The following INPP5F variants were observed in gnomAD, a reference collection of about 807,000 sequenced individuals.
The protein encoded by INPP5F is phosphatidylinositide 4-phosphatase SAC2.
A neutral mutation model predicts 137.2 loss-of-function variants in INPP5F; 97 were observed. The observed-to-expected ratio is 0.71, with a 90% confidence interval of 0.60 to 0.84. The LOEUF is 0.84. Among genes scored for constraint, INPP5F ranks in the 40% least tolerant of loss-of-function variants. The pLI is 0.00. For missense variants in INPP5F, 1,271 were observed against 1,371.9 expected, an observed-to-expected ratio of 0.93 and a Z score of 1.16; for synonymous variants, 504 against 476.9, an observed-to-expected ratio of 1.06 and a Z score of -0.74.
chr10:119,821,864 C>CTTTTTTTT (rs11347174), intron 16 of INPP5F, among the ~76,000 whole-genome samples: 1 of 88,152 alleles, frequency 1.1e-5, no homozygotes, highest in Non-Finnish European at 2.2e-5. Flanking sequence ...CTTGTAGTTG[C>CTTTTTTTT]TTTTTTTTTT....
At chr10:119,729,494 C>T (rs1184062027) in intron 1 of INPP5F, among the ~76,000 whole-genome samples, 1 of 151,822 alleles carries the variant, frequency 6.6e-6, no homozygotes, top group Non-Finnish European at 1.5e-5. Flanking sequence ...TGGAAAATCT[C>T]TGTCCATTTG....
intron 2 of INPP5F, among the ~76,000 whole-genome samples, chr10:119,753,727 T>C (rs1848753770): frequency 6.6e-6 from 1 of 152,246 alleles, no homozygotes; most frequent in Middle Eastern, 3.2e-3. Flanking sequence ...TTCATTTCCA[T>C]AGGGTACTGT....
At chr10:119,745,699 C>CTTTTTTT (rs35485618) in intron 1 of INPP5F, among the ~76,000 whole-genome samples, 4 of 90,544 alleles carry the variant, frequency 4.4e-5, no homozygotes, top group East Asian at 3.2e-4. Flanking sequence ...AGGCTCATTC[C>CTTTTTTT]TTTTTTTTTT....
intron 15 of INPP5F, among the ~76,000 whole-genome samples, chr10:119,820,599 C>T (rs1851517962): frequency 6.6e-6 from 1 of 152,194 alleles, no homozygotes; most frequent in African/African-American, 2.4e-5. Flanking sequence ...GGACTCCTTC[C>T]TCCTTTGGCT....
intron 1 of INPP5F, among the ~76,000 whole-genome samples, chr10:119,727,618 C>G (rs1369102726): frequency 3.3e-5 from 5 of 152,228 alleles, no homozygotes; most frequent in Admixed American, 3.3e-4. Flanking sequence ...GTTGCTTTGC[C>G]AGAGCAGTGA....
chr10:119,750,411 A>G (rs1452390560), intron 1 of INPP5F, among the ~76,000 whole-genome samples: 4 of 152,194 alleles, frequency 2.6e-5, no homozygotes, highest in Non-Finnish European at 5.9e-5. Flanking sequence ...GCATGTAATG[A>G]ATTTGCTTCT....
chr10:119,785,945 A>G (rs1248597954), intron 3 of INPP5F, among the ~76,000 whole-genome samples: 1 of 152,118 alleles, frequency 6.6e-6, no homozygotes, highest in Non-Finnish European at 1.5e-5. Flanking sequence ...GCTTCTTTAG[A>G]AAAAAAATAC....
intron 12 of INPP5F, among the ~76,000 whole-genome samples, chr10:119,807,513 T>C (rs1850842234): frequency 6.6e-6 from 1 of 152,288 alleles, no homozygotes; most frequent in African/African-American, 2.4e-5. Context: ...GTGTTAGGAC[T>C]AGTGAATGTG....
intron 2 of INPP5F, among the ~76,000 whole-genome samples, chr10:119,767,666 A>G (rs1243946043): frequency 2.0e-5 from 3 of 152,242 alleles, no homozygotes; most frequent in South Asian, 2.1e-4. Context: ...CTACATGCTT[A>G]CTTTCAAGAC....
At chr10:119,785,284 C>CGGTTTTTT (rs1849844136) in intron 3 of INPP5F, among the ~76,000 whole-genome samples, 1 of 81,600 alleles carries the variant, frequency 1.2e-5, no homozygotes. Flanking sequence ...AACTGCCAGA[C>CGGTTTTTT]TGTTTTTTTT....
intron 2 of INPP5F, among the ~76,000 whole-genome samples, chr10:119,771,882 ATTTTTTTTTTTTTTTTTTTT>A (rs544724525): frequency 4.1e-5 from 1 of 24,166 alleles, no homozygotes; most frequent in African/African-American, 1.9e-4. Flanking sequence ...ATATATATAT[ATTTTTTTTTTTTTTTTTTTT>A]TTTTTTTTTT....
At position 119,820,870 on chromosome 10, in the gene INPP5F, C is replaced by T. The variant is rs775795618; in HGVS notation, c.1911C>T (p.Asp637=). 1.4e-5 allele frequency: 22 copies of T among 1,610,906 alleles called. No homozygotes were observed. The highest frequency in any genetic ancestry group is 6.6e-5 in the South Asian group (6 of 91,032). ...DPSLIDATHR[D]VDVLLLLSNS... is the part of the protein sequence containing the mutation. Reference sequence around the variant, plus strand: ...GCCTCATTGATGCTACTCACAGAGACGTGGATGTGCTGTTACTGCTTTCTA... The same window carrying T: ...GCCTCATTGATGCTACTCACAGAGATGTGGATGTGCTGTTACTGCTTTCTA... The change falls in exon 16 of 20, where the codon GAC becomes GAT. Residue 637 remains aspartate (D), a synonymous_variant. Transcript: ENST00000650623.
In INPP5F at chr10:119,792,160, G is replaced by C. The variant is rs1425101252; in HGVS notation, c.616G>C (p.Asp206His). Residue 206 changes from aspartate to histidine, a missense_variant, in exon 6 of 20, where the codon GAT becomes CAT. By Grantham distance (81) the Asp-to-His change is moderately conservative (BLOSUM62 -1). Transcript: ENST00000650623. ...ATTGTTCCTGCACCTTTTCTAGGTT[G>C]ATGACCGATTTTTTTGGAATAAATA... ...RDGRPLWQKVDDRFFWNKYMI... is the reference protein window; with the variant it reads ...RDGRPLWQKVHDRFFWNKYMI... 2.5e-6 allele frequency: 4 copies of C among 1,614,154 alleles called. No homozygotes were observed. Among genetic ancestry groups the C allele is most frequent in the South Asian group, 1.1e-5 (1 of 91,074 alleles).
chr10:119,749,044 T>C (rs554615322), intron 1 of INPP5F, among the ~76,000 whole-genome samples: 14 of 152,216 alleles, frequency 9.2e-5, no homozygotes, highest in Admixed American at 3.9e-4. Context: ...GTGACAGCAG[T>C]GTCCAAGCCT....
rs112187772 is a variant in INPP5F at position 119,791,725 on chromosome 10, T to G, written c.444+80T>G. The stretch of plus-strand genomic sequence containing the variant: ...AGAGATAATTCTCCACTCAGAAAAT[T>G]TATTTTTAAACCATTTGTTGTATTG... On this transcript the variant is annotated intron_variant, in intron 4 of 19. Transcript: ENST00000650623. The G allele has an allele frequency of 4.9e-6, 7 of 1,418,632 alleles. No individual in the cohort carries two copies. The African/African-American group carries it at 8.6e-5, about 17-fold the overall frequency. The allele number at this position is 1,418,632 out of a possible 1,614,324, so 87.9% of individuals were successfully genotyped here. A position where few individuals can be genotyped will look rare whatever the true frequency, so the allele number is the denominator to read the frequency against.
chr10:119,738,918 A>G (rs1848295818), intron 1 of INPP5F, among the ~76,000 whole-genome samples: 1 of 152,064 alleles, frequency 6.6e-6, no homozygotes, highest in Non-Finnish European at 1.5e-5. Context: ...ATGGTGGCTC[A>G]TGCCTGTAAT....
Position 119,726,063 on chromosome 10 carries a change from G to GGCCGCCGCTGCCGCCGCCGCTGCC in INPP5F, c.-198_-175dup. 2.7e-6 allele frequency: 1 copy of GGCCGCCGCTGCCGCCGCCGCTGCC among 366,010 alleles called. No homozygotes were observed. Among genetic ancestry groups the GGCCGCCGCTGCCGCCGCCGCTGCC allele is most frequent in the Non-Finnish European group, 4.9e-6 (1 of 206,138 alleles). 22.7% of individuals were successfully genotyped at this position (366,010 alleles called of 1,614,324 possible). A position where few individuals can be genotyped will look rare whatever the true frequency, so the allele number is the denominator to read the frequency against. On this transcript the variant is annotated 5_prime_UTR_variant, in exon 1 of 20. Transcript: ENST00000650623. ...AGGAGCGGGGGGGAGAGGCCTCTAC[G>GGCCGCCGCTGCCGCCGCCGCTGCC]GCCGCCGCTGCCGCCGCCGCTGCCG...
At chr10:119,761,507 G>A (rs945814025) in intron 2 of INPP5F, among the ~76,000 whole-genome samples, 4 of 151,384 alleles carry the variant, frequency 2.6e-5, no homozygotes, top group African/African-American at 9.7e-5. Flanking sequence ...GATGTGTGTT[G>A]TTCCCTGAAA....
Position 119,804,172 on chromosome 10 carries a change from G to T in INPP5F, c.1117-1G>T. ...TTTTTTCTGTTTCTTTGCTCTTATAGGTTATTATTAACTTGGTAGACCAGG... is the reference window on the plus strand; with the variant it reads ...TTTTTTCTGTTTCTTTGCTCTTATATGTTATTATTAACTTGGTAGACCAGG... On this transcript the variant is annotated splice_acceptor_variant, in intron 9 of 19. Coordinates refer to ENST00000650623, the MANE Select transcript of INPP5F (RefSeq NM_014937.4). LOFTEE classifies it high-confidence loss of function. The T allele has an allele frequency of 6.2e-7, 1 of 1,601,154 alleles. No individual in the cohort carries two copies. Among genetic ancestry groups the T allele is most frequent in the Non-Finnish European group, 8.5e-7 (1 of 1,172,952 alleles).
Sources: allele counts gnomAD v4.1 joint callset (sites outside exome capture counted in the v4.1 genomes callset), GRCh38; gene constraint gnomAD v4.1.1; transcripts MANE v1.5; gene names NCBI Gene and HGNC (gene_info 2026-07-23, HGNC 2026-07-21).